Variants in FGF14 observed in about 807,000 individuals in gnomAD.
FGF14 encodes fibroblast growth factor 14, also known as fibroblast growth factor homologous factor 4.
In FGF14, 5 loss-of-function variants were observed where a neutral mutation model predicts 25.5. The ratio of observed to expected loss-of-function variants is 0.20; its 90% CI spans 0.10 to 0.41. The LOEUF is 0.41. Among genes scored for constraint, FGF14 ranks in the 10% least tolerant of loss-of-function variants. The pLI, the probability that FGF14 is intolerant of heterozygous loss-of-function variation, is 1.00. For missense variants in FGF14, 222 were observed against 320.1 expected, an observed-to-expected ratio of 0.69 and a Z score of 2.34; for synonymous variants, 138 against 118.3, an observed-to-expected ratio of 1.17 and a Z score of -1.08.
chr13:101,788,141 G>A (rs956482237), intron 3 of FGF14, among the ~76,000 whole-genome samples: 4 of 152,146 alleles, frequency 2.6e-5, no homozygotes, highest in African/African-American at 9.7e-5. Flanking sequence ...CCAAAGTCTG[G>A]GATGACAGGC....
rs2035010482 is a variant in FGF14 at position 101,721,810 on chromosome 13, A to C, written c.*1021T>G. The C allele has an allele frequency of 6.6e-6, 1 of 151,920 alleles. No homozygotes were observed. Among genetic ancestry groups the C allele is most frequent in the Admixed American group, 6.6e-5 (1 of 15,234 alleles). 9.4% of individuals were successfully genotyped at this position (151,920 alleles called of 1,614,324 possible). A position where few individuals can be genotyped will look rare whatever the true frequency, so the allele number is the denominator to read the frequency against. ...TAAAAACAGGACGGAGTATATCTGA[A>C]ATGGATTTAGGTAGCGCAATTCTTG... On this transcript the variant is annotated 3_prime_UTR_variant, in exon 5 of 5. Coordinates refer to ENST00000376143, the MANE Select transcript of FGF14 (RefSeq NM_004115.4).
chr13:102,295,908 C>T (rs932173757), intron 1 of FGF14, among the ~76,000 whole-genome samples: 10 of 152,094 alleles, frequency 6.6e-5, no homozygotes, highest in Non-Finnish European at 1.3e-4. Context: ...AAAATAGATT[C>T]CTGAGTTCCC....
chr13:102,243,315 A>G (rs1028223391), intron 1 of FGF14, among the ~76,000 whole-genome samples: 1 of 152,072 alleles, frequency 6.6e-6, no homozygotes, highest in African/African-American at 2.4e-5. Context: ...GACTTGTTCA[A>G]CCAAATTCTG....
chr13:102,220,287 A>G (rs2050550213), intron 1 of FGF14, among the ~76,000 whole-genome samples: 1 of 152,182 alleles, frequency 6.6e-6, no homozygotes, highest in Admixed American at 6.5e-5. Flanking sequence ...TTCATTTAAG[A>G]ATGGAAATGA....
chr13:102,172,416 C>A (rs116301304), intron 1 of FGF14, among the ~76,000 whole-genome samples: 1,916 of 152,144 alleles, frequency 0.013, 29 homozygotes, highest in African/African-American at 0.044. Flanking sequence ...AGACTTGGGG[C>A]ATTTTGCTGC....
chr13:102,087,114 T>A (rs941928062), intron 1 of FGF14, among the ~76,000 whole-genome samples: 1 of 152,212 alleles, frequency 6.6e-6, no homozygotes, highest in African/African-American at 2.4e-5. Context: ...ATAATGTAGT[T>A]CATTAGATTA....
chr13:102,310,696 T>TGTGGGG (rs1269681335), intron 1 of FGF14, among the ~76,000 whole-genome samples: 7 of 3,474 alleles, frequency 2.0e-3, no homozygotes, highest in African/African-American at 3.7e-3. Flanking sequence ...TGTGTGTGTG[T>TGTGGGG]GGGGGGGGGG....
At chr13:101,841,563 C>G (rs2043192635) in intron 3 of FGF14, among the ~76,000 whole-genome samples, 1 of 151,994 alleles carries the variant, frequency 6.6e-6, no homozygotes, top group Non-Finnish European at 1.5e-5. Flanking sequence ...AATTCAGTCT[C>G]ATATCTCAGA....
At chr13:102,012,632 AAAC>A (rs1304671969) in intron 1 of FGF14, among the ~76,000 whole-genome samples, 1 of 152,216 alleles carries the variant, frequency 6.6e-6, no homozygotes, top group East Asian at 1.9e-4. Context: ...ACTCAATACC[AAAC>A]AAAGCAAAAC....
chr13:102,029,724 C>A (rs939014882), intron 1 of FGF14, among the ~76,000 whole-genome samples: 1 of 152,062 alleles, frequency 6.6e-6, no homozygotes, highest in Non-Finnish European at 1.5e-5. Flanking sequence ...TTTTAACCCT[C>A]CACTCCCATC....
rs572275849 is a variant in FGF14, at chr13:101,817,910, AAAATATTAGTT to A, written c.408+50804_408+50814del. ...AAACAAGAGAAAAATAGAGATTGTA[AAAATATTAGTT>A]ACCACGTACGATTGTGTACAACAGA... On this transcript the variant is annotated intron_variant, in intron 3 of 4. Transcript: ENST00000376143. Among the ~76,000 whole-genome samples, 17 of 152,342 alleles carry A rather than the reference AAAATATTAGTT, an allele frequency of 1.1e-4. No homozygotes were observed. In the East Asian group the frequency reaches 2.7e-3, roughly 24 times the overall value.
chr13:102,146,560 A>G (rs879309848), intron 1 of FGF14, among the ~76,000 whole-genome samples: 17 of 152,274 alleles, frequency 1.1e-4, no homozygotes, highest in African/African-American at 3.4e-4. Context: ...ACTCTTTTCC[A>G]TGGTCTTTGT....
intron 1 of FGF14, among the ~76,000 whole-genome samples, chr13:102,125,140 T>C (rs946163367): frequency 1.2e-4 from 19 of 152,174 alleles, no homozygotes; most frequent in Non-Finnish European, 2.4e-4. Flanking sequence ...TCACAGATAT[T>C]ATTGTTTAAT....
At chr13:102,156,720 T>C (rs1171884219) in intron 1 of FGF14, among the ~76,000 whole-genome samples, 1 of 152,144 alleles carries the variant, frequency 6.6e-6, no homozygotes, top group East Asian at 1.9e-4. Context: ...GAAGTCAAAT[T>C]GTCCCTGTTT....
intron 3 of FGF14, among the ~76,000 whole-genome samples, chr13:101,749,345 A>G (rs1264986172): frequency 6.6e-6 from 1 of 152,108 alleles, no homozygotes; most frequent in Non-Finnish European, 1.5e-5. Context: ...GGAATGAACT[A>G]TTGATACATG....
At chr13:101,860,717 T>C (rs909017003) in intron 3 of FGF14, among the ~76,000 whole-genome samples, 10 of 152,048 alleles carry the variant, frequency 6.6e-5, no homozygotes, top group African/African-American at 1.9e-4. Context: ...ACTGGGATTA[T>C]AGGCATGAGC....
intron 1 of FGF14, among the ~76,000 whole-genome samples, chr13:102,371,819 T>C (rs968931550): frequency 2.0e-5 from 3 of 152,164 alleles, no homozygotes; most frequent in Admixed American, 6.5e-5. Context: ...CTAACATATA[T>C]GTAAAATATA....
chr13:102,009,861 T>C lies in FGF14; in HGVS notation c.209-134565A>G, dbSNP rs542472161. ...TTCCCCAACACATGTTTTAGAAATA[T>C]AGAGGTTATTAGTGAAGCCTTCCAA... On this transcript the variant is annotated intron_variant, in intron 1 of 4. Coordinates refer to the FGF14 transcript ENST00000376131. Among the ~76,000 whole-genome samples, 7 of 152,246 alleles carry C rather than the reference T, an allele frequency of 4.6e-5. No individual in the cohort carries two copies. In the East Asian group the frequency reaches 5.8e-4, roughly 13 times the overall value.
At chr13:102,353,518 C>T (rs1205371256) in intron 1 of FGF14, among the ~76,000 whole-genome samples, 1 of 152,208 alleles carries the variant, frequency 6.6e-6, no homozygotes, top group African/African-American at 2.4e-5. Context: ...ATCTTCTCCA[C>T]GGAAGTTCCT....
Sources: gnomAD v4.1 joint callset for allele counts (sites outside exome capture counted in the v4.1 genomes callset) on GRCh38, gnomAD v4.1.1 for gene constraint, MANE v1.5 for transcripts, NCBI Gene and HGNC (gene_info 2026-07-23, HGNC 2026-07-21) for gene names.